UGT1A8: variants seen among roughly 807,000 people sequenced by gnomAD.
UGT1A8 encodes UDP glucuronosyltransferase family 1 member A8.
UGT1A8 carries 39 observed loss-of-function variants against 45.3 expected under a neutral mutation model. The ratio of observed to expected loss-of-function variants is 0.86; its 90% CI spans 0.67 to 1.12. The LOEUF (loss-of-function observed/expected upper bound fraction) is 1.12. UGT1A8 is among the 50% of genes most tolerant of loss of function. UGT1A8 has a pLI of 0.00. For missense variants in UGT1A8, 719 were observed against 664.9 expected (o/e 1.08, Z -0.90); for synonymous variants, 275 against 249.2 (o/e 1.10, Z -0.97).
chr2:233,642,394 T>A (rs1050850957), intron 1 of UGT1A8, among the ~76,000 whole-genome samples: 2 of 152,256 alleles, frequency 1.3e-5, no homozygotes, highest in Non-Finnish European at 2.9e-5. Flanking sequence ...GTTAAATTTA[T>A]ATGCTGGAAT....
At chr2:233,685,153 T>C (rs1384992803) in intron 1 of UGT1A8, among the ~76,000 whole-genome samples, 1 of 152,180 alleles carries the variant, frequency 6.6e-6, no homozygotes, top group African/African-American at 2.4e-5. Flanking sequence ...TTAAATACTT[T>C]AACAAGGATG....
intron 1 of UGT1A8, among the ~76,000 whole-genome samples, chr2:233,725,500 A>C (rs2125714454): frequency 6.6e-6 from 1 of 152,210 alleles, no homozygotes; most frequent in East Asian, 1.9e-4. Flanking sequence ...GAAACCACTG[A>C]AATTAATTTT....
At chr2:233,766,899 A>T in intron 1 of UGT1A8, 135 bp from the exon 2 acceptor site, 2 of 1,486,470 alleles carry the variant, frequency 1.3e-6, no homozygotes, top group Non-Finnish European at 1.8e-6. Flanking sequence ...CATATTAATA[A>T]TTTTTTACTC....
chr2:233,682,062 A>G lies in UGT1A8; in HGVS notation c.855+63500A>G, dbSNP rs754287322. 11 of 1,614,008 alleles carry G rather than the reference A, an allele frequency of 6.8e-6. No individual in the cohort carries two copies. In the African/African-American group the frequency reaches 1.1e-4, roughly 16 times the overall value. ...GATGGGAGCCACTGGTTCACCATGC[A>G]GTCGGTGGTGGAGAAACTCATCCTC... On this transcript the variant is annotated intron_variant, in intron 1 of 4. Transcript: ENST00000373450.
intron 1 of UGT1A8, among the ~76,000 whole-genome samples, chr2:233,714,428 C>T (rs2076386615): frequency 6.6e-6 from 1 of 152,106 alleles, no homozygotes; most frequent in African/African-American, 2.4e-5. Context: ...GAGAATGAAA[C>T]ACAGAGTTCA....
At chr2:233,736,476 GGTTT>G (rs1395913354) in intron 1 of UGT1A8, among the ~76,000 whole-genome samples, 2 of 152,080 alleles carry the variant, frequency 1.3e-5, no homozygotes, top group African/African-American at 2.4e-5. Flanking sequence ...AGCTTGGAGA[GGTTT>G]GTTACTACCA....
At chr2:233,680,104 G>A (rs1472100026) in intron 1 of UGT1A8, among the ~76,000 whole-genome samples, 1 of 151,922 alleles carries the variant, frequency 6.6e-6, no homozygotes, top group East Asian at 1.9e-4. Context: ...AATCATAGCG[G>A]CAGAGCTCAA....
At chr2:233,719,357 C>T (rs756721140) in intron 1 of UGT1A8, 62 of 1,613,782 alleles carry the variant, frequency 3.8e-5, no homozygotes, top group Non-Finnish European at 4.7e-5. Context: ...TTCCATGTGA[C>T]TTAGACTTTA....
chr2:233,747,095 T>C, intron 1 of UGT1A8: 1 of 1,292,004 alleles, frequency 7.7e-7, no homozygotes, highest in South Asian at 1.4e-5. Context: ...GAGCACTCTA[T>C]CTTCCAATTA....
In UGT1A8 at chr2:233,700,778, T is replaced by C. The variant is rs550912505; in HGVS notation, c.856-66256T>C. On this transcript the variant is annotated intron_variant, in intron 1 of 4. Transcript: ENST00000373450. ...GGGTACATGTGCACAACGTACAGGT[T>C]TGTTACATATGTATACATGTGCCAT... Among the ~76,000 whole-genome samples, 10 of 152,260 alleles carry C rather than the reference T, an allele frequency of 6.6e-5. No homozygotes were observed. In the East Asian group the frequency reaches 9.6e-4, roughly 15 times the overall value.
rs769053574 is a variant in UGT1A8 at position 233,713,820 on chromosome 2, G to T, written c.856-53214G>T. The stretch of plus-strand genomic sequence containing the variant: ...GATCATGCCCAACATGGTCTTCATT[G>T]GGGGCATCAACTGTGCCAACGGGAA... On this transcript the variant is annotated intron_variant, in intron 1 of 4. Coordinates refer to ENST00000373450, the MANE Select transcript of UGT1A8 (RefSeq NM_019076.5). The T allele has an allele frequency of 1.1e-5, 17 of 1,614,012 alleles. No individual in the cohort carries two copies. In the South Asian group the frequency reaches 1.9e-4, roughly 18 times the overall value.
At chr2:233,712,094 C>T (rs961406471) in intron 1 of UGT1A8, among the ~76,000 whole-genome samples, 7 of 152,220 alleles carry the variant, frequency 4.6e-5, no homozygotes, top group South Asian at 2.1e-4. Flanking sequence ...GATGAATGGA[C>T]ACTTCAGTCT....
At chr2:233,715,057 T>C (rs1032772184) in intron 1 of UGT1A8, among the ~76,000 whole-genome samples, 2 of 152,140 alleles carry the variant, frequency 1.3e-5, no homozygotes. Flanking sequence ...TCTTTTTTTT[T>C]GTATTTTTTA....
chr2:233,627,814 T>C lies in UGT1A8; in HGVS notation c.855+9252T>C, dbSNP rs562610770. On this transcript the variant is annotated intron_variant, in intron 1 of 4. Coordinates refer to ENST00000373450, the MANE Select transcript of UGT1A8 (RefSeq NM_019076.5). ...TTTTTGGTTATGTCATGATTTCTTT[T>C]TGCTTCTTGGGAGTAATTCCAGCAT... is the stretch of plus-strand genomic sequence containing the variant. Among the ~76,000 whole-genome samples the C allele has an allele frequency of 2.6e-5, 4 of 152,014 alleles. No individual in the cohort carries two copies. The South Asian group carries it at 8.3e-4, about 32-fold the overall frequency.
intron 1 of UGT1A8, chr2:233,712,961 G>A: frequency 6.2e-7 from 1 of 1,612,910 alleles, no homozygotes; most frequent in Non-Finnish European, 8.5e-7. Flanking sequence ...AACGTGGGGT[G>A]GACAGTCAGC....
intron 1 of UGT1A8, among the ~76,000 whole-genome samples, chr2:233,673,321 C>T (rs1183477630): frequency 6.6e-6 from 1 of 152,012 alleles, no homozygotes; most frequent in African/African-American, 2.4e-5. Flanking sequence ...TTGACAAGTT[C>T]TATTAATAAT....
At position 233,744,023 on chromosome 2, in the gene UGT1A8, C is replaced by T. The variant is rs374542514; in HGVS notation, c.856-23011C>T. 1.7e-4 allele frequency: 161 copies of T among 963,346 alleles called. 1 individual carries two copies. In the Middle Eastern group the frequency reaches 2.6e-3, roughly 15 times the overall value. The allele number at this position is 963,346 out of a possible 1,614,324, so 59.7% of individuals were successfully genotyped here. On this transcript the variant is annotated intron_variant, in intron 1 of 4. Coordinates refer to ENST00000373450, the MANE Select transcript of UGT1A8 (RefSeq NM_019076.5). ...CGGAGACCTGGGCCGCCTGGAGAGA[C>T]GCCCCTTATGACGCAGCCACATCTC...
intron 1 of UGT1A8, chr2:233,719,286 C>A (rs1465114425): frequency 1.2e-6 from 2 of 1,614,082 alleles, no homozygotes; most frequent in Non-Finnish European, 1.7e-6. Context: ...CCCCGTTAAC[C>A]TCTGTGGGGC....
At chr2:233,621,684 C>T (rs993868454) in intron 1 of UGT1A8, among the ~76,000 whole-genome samples, 4 of 152,084 alleles carry the variant, frequency 2.6e-5, no homozygotes, top group Non-Finnish European at 4.4e-5. Context: ...TCATCTATCC[C>T]TTTTTTCTGT....
Sources: gnomAD v4.1 joint callset for allele counts (sites outside exome capture counted in the v4.1 genomes callset) on GRCh38, gnomAD v4.1.1 for gene constraint, MANE v1.5 for transcripts, NCBI Gene and HGNC (gene_info 2026-07-23, HGNC 2026-07-21) for gene names.